The following MTRES1 variants were observed in gnomAD, a reference collection of about 807,000 sequenced individuals.
MTRES1 encodes uncharacterized protein C6orf203.
Under a neutral mutation model 17.4 loss-of-function variants are expected in MTRES1, and 11 were observed. The observed-to-expected ratio is 0.63, with a 90% CI of 0.40 to 1.05. The LOEUF (loss-of-function observed/expected upper bound fraction) is 1.05. MTRES1 is among the 50% of genes least tolerant of loss of function. The pLI is 0.00. For synonymous variants in MTRES1, 94 were observed against 99.6 expected, an observed-to-expected ratio of 0.94 and a Z score of 0.34; for missense variants, 268 against 276.2, an observed-to-expected ratio of 0.97 and a Z score of 0.21.
At chr6:107,050,551 C>CTTTTTTTTT (rs142268482) in intron 3 of MTRES1, among the ~76,000 whole-genome samples, 34 of 81,492 alleles carry the variant, frequency 4.2e-4, no homozygotes, top group African/African-American at 1.3e-3. Flanking sequence ...CTCTCCCTTT[C>CTTTTTTTTT]TTTTTTTTTT....
chr6:107,035,049 G>T (rs1773963995), intron 1 of MTRES1, among the ~76,000 whole-genome samples: 1 of 152,072 alleles, frequency 6.6e-6, no homozygotes, highest in Non-Finnish European at 1.5e-5. Flanking sequence ...GTGCCACTTA[G>T]CGTATTCTTA....
intron 1 of MTRES1, among the ~76,000 whole-genome samples, chr6:107,036,828 C>T (rs1373462504): frequency 2.1e-5 from 3 of 140,026 alleles, no homozygotes; most frequent in East Asian, 2.1e-4. Context: ...CCAGCCTGGG[C>T]GACAGAGTGA....
At position 107,029,404 on chromosome 6, in the gene MTRES1, G is replaced by A. The variant is rs1277820603; in HGVS notation, c.-13+1133G>A. On this transcript the variant is annotated intron_variant, in intron 1 of 3. Transcript: ENST00000311381. The stretch of plus-strand genomic sequence containing the variant: ...GGGTTTCACCGTGTTAGCCAGGATG[G>A]TCTCGATTTCCTGACTTCCTGATCC... Among the ~76,000 whole-genome samples, 3 of 151,954 alleles carry A rather than the reference G, an allele frequency of 2.0e-5. No homozygotes were observed. The East Asian group carries it at 5.8e-4, about 29-fold the overall frequency.
Position 107,044,297 on chromosome 6 carries a change from CTGAA to C in MTRES1, c.512_515del (p.Asn171ArgfsTer11). 1.2e-6 allele frequency: 2 copies of C among 1,613,874 alleles called. No individual in the cohort carries two copies. Among genetic ancestry groups the C allele is most frequent in the Non-Finnish European group, 1.7e-6 (2 of 1,179,858 alleles). On this transcript the variant is annotated frameshift_variant, in exon 3 of 4. Transcript: ENST00000311381. LOFTEE classifies it high-confidence loss of function. ...TGCTTTCTACAAAGGTGAACTCAGG[CTGAA>C]TGAGGAAAAATTATGGAAGAAAAGC... is the stretch of plus-strand genomic sequence containing the variant.
intron 1 of MTRES1, among the ~76,000 whole-genome samples, chr6:107,031,418 G>A (rs1773834925): frequency 7.1e-6 from 1 of 140,422 alleles, no homozygotes; most frequent in Non-Finnish European, 1.5e-5. Context: ...AAGAAAAAAG[G>A]AGAAGAGAAG....
chr6:107,030,089 G>T (rs9486499), intron 1 of MTRES1: 76,282 of 718,158 alleles, frequency 0.11, 5,913 homozygotes, highest in East Asian at 0.31. Context: ...CTAGTGCCCA[G>T]ATTAGTGCTT....
At chr6:107,028,993 C>A in intron 1 of MTRES1, 1 of 410,950 alleles carries the variant, frequency 2.4e-6, no homozygotes, top group Non-Finnish European at 3.3e-6. Flanking sequence ...TCCTCCTGAT[C>A]AATTTTTATT....
intron 3 of MTRES1, among the ~76,000 whole-genome samples, chr6:107,050,377 T>C (rs1774551746): frequency 6.6e-6 from 1 of 152,144 alleles, no homozygotes; most frequent in South Asian, 2.1e-4. Flanking sequence ...CTTTGTCTTT[T>C]GCCAGTGTTA....
chr6:107,038,305 G>A (rs1363103211), intron 1 of MTRES1, among the ~76,000 whole-genome samples: 1 of 152,178 alleles, frequency 6.6e-6, no homozygotes, highest in Non-Finnish European at 1.5e-5. Context: ...CACGGTACAA[G>A]GATGTTAACC....
chr6:107,051,216 A>G lies in MTRES1; in HGVS notation c.703A>G (p.Lys235Glu). 1 of 1,613,786 alleles carries G rather than the reference A, an allele frequency of 6.2e-7. No individual in the cohort carries two copies. Among genetic ancestry groups the G allele is most frequent in the Non-Finnish European group, 8.5e-7 (1 of 1,179,886 alleles). Residue 235 changes from lysine to glutamate, a missense_variant, in exon 4 of 4, where the codon AAG becomes GAG. Coordinates refer to ENST00000311381, the MANE Select transcript of MTRES1 (RefSeq NM_016487.5). ...GCGGTGGAAAAGTTTAAAGTTGCCT[A>G]AGAAGAGAATGTCTAAATAAATGGA... Reference protein sequence around the residue: ...LRRWKSLKLPKKRMSK With the variant: ...LRRWKSLKLPEKRMSK
chr6:107,045,054 G>T (rs1218787164), intron 3 of MTRES1, among the ~76,000 whole-genome samples: 3 of 152,018 alleles, frequency 2.0e-5, no homozygotes, highest in Non-Finnish European at 4.4e-5. Context: ...CAGGCGTGGT[G>T]GCAGGCGCTT....
At chr6:107,044,950 G>A (rs1261341244) in intron 3 of MTRES1, among the ~76,000 whole-genome samples, 2 of 152,128 alleles carry the variant, frequency 1.3e-5, no homozygotes, top group Non-Finnish European at 2.9e-5. Flanking sequence ...AGCACTTTGG[G>A]AGCTGAGGCC....
rs190452000 is a variant in MTRES1, at chr6:107,040,368, T to C, written c.470+138T>C. The C allele has an allele frequency of 9.0e-6, 6 of 668,658 alleles. No individual in the cohort carries two copies. The African/African-American group carries it at 9.3e-5, about 10-fold the overall frequency. 41.4% of individuals were successfully genotyped at this position (668,658 alleles called of 1,614,324 possible). A position where few individuals can be genotyped will look rare whatever the true frequency, so the allele number is the denominator to read the frequency against. ...CTTTGTAGGTAACCTGTTTCAATTATTTCATTTTATAGATGAGCAAACTGA... is the reference window on the plus strand; with the variant it reads ...CTTTGTAGGTAACCTGTTTCAATTACTTCATTTTATAGATGAGCAAACTGA... On this transcript the variant is annotated intron_variant, in intron 2 of 3. Coordinates refer to ENST00000311381, the MANE Select transcript of MTRES1 (RefSeq NM_016487.5).
chr6:107,050,875 C>A (rs1554229123), intron 3 of MTRES1, among the ~76,000 whole-genome samples, 182 bp from the exon 4 acceptor site: 1 of 152,172 alleles, frequency 6.6e-6, no homozygotes. Flanking sequence ...CCGCACCTGA[C>A]CTTTCACCCT....
At chr6:107,032,957 T>C (rs1289528274) in intron 1 of MTRES1, among the ~76,000 whole-genome samples, 1 of 152,192 alleles carries the variant, frequency 6.6e-6, no homozygotes, top group Non-Finnish European at 1.5e-5. Flanking sequence ...GCCCTGGCAG[T>C]CAGTTTACTT....
Position 107,039,964 on chromosome 6 carries a change from A to C in MTRES1, c.204A>C (p.Pro68=), listed in dbSNP as rs1554227440. 6.2e-7 allele frequency: 1 copy of C among 1,613,970 alleles called. No individual in the cohort carries two copies. The highest frequency in any genetic ancestry group is 1.7e-5 in the Admixed American group (1 of 60,008). ...LFYNIFSLRL[P]GLLLSPECIF... is the part of the protein sequence containing the mutation. Reference sequence around the variant, plus strand: ...ATAATATTTTCTCACTGAGACTCCCAGGGCTTTTACTATCTCCAGAATGTA... The same window carrying C: ...ATAATATTTTCTCACTGAGACTCCCCGGGCTTTTACTATCTCCAGAATGTA... The change falls in exon 2 of 4, where the codon CCA becomes CCC. Residue 68 remains proline (P), a synonymous_variant. Coordinates refer to ENST00000311381, the MANE Select transcript of MTRES1 (RefSeq NM_016487.5).
intron 3 of MTRES1, among the ~76,000 whole-genome samples, chr6:107,048,977 C>G (rs577885821): frequency 6.6e-6 from 1 of 152,026 alleles, no homozygotes; most frequent in East Asian, 1.9e-4. Context: ...ATCTGCCCCT[C>G]TGTGAGTTTT....
chr6:107,029,012 T>G (rs1554226030), intron 1 of MTRES1: 1 of 333,174 alleles, frequency 3.0e-6, no homozygotes, highest in African/African-American at 2.4e-5. Flanking sequence ...TTCCACAGGG[T>G]GTTGTTTTGT....
At chr6:107,037,010 G>C (rs1774033242) in intron 1 of MTRES1, among the ~76,000 whole-genome samples, 1 of 151,700 alleles carries the variant, frequency 6.6e-6, no homozygotes, top group Non-Finnish European at 1.5e-5. Context: ...AAACTCCTGG[G>C]CTCAAGCAGT....
Sources: allele counts gnomAD v4.1 joint callset (sites outside exome capture counted in the v4.1 genomes callset), GRCh38; gene constraint gnomAD v4.1.1; transcripts MANE v1.5; gene names NCBI Gene and HGNC (gene_info 2026-07-23, HGNC 2026-07-21).